The following PSTPIP2 variants were observed in gnomAD, a reference collection of about 807,000 sequenced individuals.
PSTPIP2 encodes proline-serine-threonine phosphatase-interacting protein 2.
In PSTPIP2, 33 loss-of-function variants were observed where a neutral mutation model predicts 63.3. The observed-to-expected ratio is 0.52, with a 90% CI of 0.40 to 0.70. The LOEUF is 0.70. PSTPIP2 is among the 30% of genes least tolerant of loss of function. The probability of loss-of-function intolerance (pLI) is 0.00; values close to 1 mark genes in which losing one functional copy is unlikely to be tolerated. For synonymous variants in PSTPIP2, 125 were observed against 132.7 expected (o/e 0.94, Z 0.40); for missense variants, 312 against 400.7 (o/e 0.78, Z 1.89).
At chr18:46,014,389 T>A (rs955602104) in intron 4 of PSTPIP2, among the ~76,000 whole-genome samples, 14 of 151,934 alleles carry the variant, frequency 9.2e-5, no homozygotes, top group African/African-American at 3.1e-4. Context: ...TAAGAATTCT[T>A]AAGGAAGAAA....
At chr18:45,990,806 A>G (rs369974691) in intron 12 of PSTPIP2, 50 bp from the exon 13 acceptor site, 182 of 1,469,404 alleles carry the variant, frequency 1.2e-4, no homozygotes, top group Middle Eastern at 8.8e-4. Context: ...TGTTATTTTT[A>G]TAATCTTTTT....
intron 1 of PSTPIP2, among the ~76,000 whole-genome samples, chr18:46,061,423 G>C (rs1908989618): frequency 6.6e-6 from 1 of 152,158 alleles, no homozygotes; most frequent in South Asian, 2.1e-4. Context: ...GGAGGACCTG[G>C]CAGGAGCATC....
chr18:45,994,119 G>A (rs745892852), intron 9 of PSTPIP2: 2 of 194,572 alleles, frequency 1.0e-5, no homozygotes, highest in Non-Finnish European at 2.1e-5. Flanking sequence ...TGATTGATGA[G>A]TACATGGGAG....
intron 4 of PSTPIP2, among the ~76,000 whole-genome samples, chr18:46,014,083 C>A (rs1217454999): frequency 6.6e-6 from 1 of 151,806 alleles, no homozygotes; most frequent in Non-Finnish European, 1.5e-5. Flanking sequence ...GGTGCAGTGG[C>A]AAGATCTCTG....
chr18:45,990,090 T>C (rs1022014473), intron 13 of PSTPIP2: 4 of 152,262 alleles, frequency 2.6e-5, no homozygotes, highest in African/African-American at 9.6e-5. Flanking sequence ...CGATGCCTTC[T>C]ATAAATTGTA....
At chr18:46,055,315 C>G (rs1183910954) in intron 1 of PSTPIP2, among the ~76,000 whole-genome samples, 1 of 152,158 alleles carries the variant, frequency 6.6e-6, no homozygotes, top group African/African-American at 2.4e-5. Flanking sequence ...ATGTCCAAAT[C>G]CTAATCCCTG....
intron 2 of PSTPIP2, among the ~76,000 whole-genome samples, chr18:46,035,685 G>T (rs1907948506): frequency 6.6e-6 from 1 of 152,106 alleles, no homozygotes; most frequent in South Asian, 2.1e-4. Context: ...GTCTGTGCTG[G>T]GAAGTAGCCC....
chr18:45,996,203 TG>T (rs2051592689), intron 9 of PSTPIP2, among the ~76,000 whole-genome samples: 1 of 151,924 alleles, frequency 6.6e-6, no homozygotes, highest in Non-Finnish European at 1.5e-5. Flanking sequence ...CCCAAGAAGG[TG>T]GGGAAAGGCA....
chr18:46,041,112 A>C (rs989214503), intron 1 of PSTPIP2: 9 of 454,154 alleles, frequency 2.0e-5, no homozygotes, highest in Admixed American at 7.1e-5. Flanking sequence ...AAAGACAAGC[A>C]GCTCTGAGCC....
chr18:46,024,786 A>G (rs1250128697), intron 2 of PSTPIP2, 100 bp from the exon 3 acceptor site: 1 of 857,614 alleles, frequency 1.2e-6, no homozygotes, highest in Non-Finnish European at 1.9e-6. Flanking sequence ...ACCTGTGACC[A>G]TAGAAGCTCA....
chr18:46,024,602 T>C lies in PSTPIP2; in HGVS notation c.212+7A>G, dbSNP rs772014344. The C allele has an allele frequency of 8.1e-6, 13 of 1,612,102 alleles. No homozygotes were observed. In the South Asian group the frequency reaches 1.3e-4, roughly 16 times the overall value. ...ACCTGGAAACCAGAAAAAAACTTGA[T>C]ACATACTTGATTTCAGACTGTCCAC... is the stretch of plus-strand genomic sequence containing the variant. On this transcript the variant is annotated splice_region_variant and intron_variant, in intron 3 of 14. Transcript: ENST00000409746.
chr18:46,071,404 G>T (rs9783888), intron 1 of PSTPIP2, among the ~76,000 whole-genome samples: 48,968 of 152,012 alleles, frequency 0.32, 8,973 homozygotes, highest in Middle Eastern at 0.5. Flanking sequence ...GAGGGAAGAG[G>T]ACTAGACAGA....
chr18:46,005,526 CT>C lies in PSTPIP2; in HGVS notation c.359del (p.Glu120GlyfsTer3). ...EKQKLQRKKT[E>X]LIMDAIHKQK... ...GTTTATGGATAGCATCCATTATGAG[CT>C]CTGTCTGTAAAGAGATCATAAACAC... On this transcript the variant is annotated frameshift_variant, in exon 6 of 15. Coordinates refer to ENST00000409746, the MANE Select transcript of PSTPIP2 (RefSeq NM_024430.4). LOFTEE classifies it high-confidence loss of function. The C allele has an allele frequency of 6.3e-7, 1 of 1,592,110 alleles. No homozygotes were observed. The highest frequency in any genetic ancestry group is 8.6e-7 in the Non-Finnish European group (1 of 1,162,380).
intron 9 of PSTPIP2, 40 bp downstream of exon 9, chr18:45,997,709 C>T (rs552895265): frequency 2.7e-6 from 1 of 374,266 alleles, no homozygotes; most frequent in Non-Finnish European, 5.1e-6. Context: ...ACACCCCCAC[C>T]CACCCACCCC....
chr18:45,999,400 T>C, intron 7 of PSTPIP2, 36 bp downstream of exon 7: 1 of 1,589,548 alleles, frequency 6.3e-7, no homozygotes, highest in Non-Finnish European at 8.6e-7. Context: ...CATAGGTCAG[T>C]CTCAGATTTT....
chr18:46,020,561 A>G (rs1168794785), intron 3 of PSTPIP2, among the ~76,000 whole-genome samples: 2 of 152,162 alleles, frequency 1.3e-5, no homozygotes, highest in African/African-American at 4.8e-5. Context: ...GCTGAAGCAG[A>G]GAACTGCTTG....
intron 6 of PSTPIP2, among the ~76,000 whole-genome samples, chr18:46,004,388 AACAGAT>A (rs1457685156): frequency 6.6e-6 from 1 of 152,236 alleles, no homozygotes; most frequent in Non-Finnish European, 1.5e-5. Flanking sequence ...ATCCAGAGTC[AACAGAT>A]ACATAAAAGC....
At chr18:45,991,763 A>T in intron 12 of PSTPIP2, 139 bp downstream of exon 12, 1 of 770,244 alleles carries the variant, frequency 1.3e-6, no homozygotes, top group Non-Finnish European at 2.1e-6. Context: ...TCCTAAAAAT[A>T]CTATTTCCAA....
intron 12 of PSTPIP2, 121 bp from the exon 13 acceptor site, chr18:45,990,877 GA>G: frequency 1.4e-6 from 1 of 738,288 alleles, no homozygotes; most frequent in Non-Finnish European, 2.1e-6. Flanking sequence ...GGAGGGTCAA[GA>G]AAGCTCACCT....
Sources: allele counts gnomAD v4.1 joint callset (sites outside exome capture counted in the v4.1 genomes callset), GRCh38; gene constraint gnomAD v4.1.1; transcripts MANE v1.5; gene names NCBI Gene and HGNC (gene_info 2026-07-23, HGNC 2026-07-21).